Variants in TMC5 observed in about 807,000 individuals in gnomAD.
TMC5 encodes transmembrane channel-like protein 5.
Under a neutral mutation model 110.5 loss-of-function variants are expected in TMC5, and 86 were observed. That is an observed-to-expected ratio of 0.78 (90% confidence interval 0.65 to 0.93). The LOEUF is 0.93. TMC5 is among the 40% of genes least tolerant of loss of function. The probability of loss-of-function intolerance (pLI) is 0.00; values close to 1 mark genes in which losing one functional copy is unlikely to be tolerated. For missense variants in TMC5, 1,144 were observed against 1,222.8 expected, an observed-to-expected ratio of 0.94 and a Z score of 0.96; for synonymous variants, 455 against 439.5, an observed-to-expected ratio of 1.04 and a Z score of -0.44.
At position 19,448,930 on chromosome 16, in the gene TMC5, C is replaced by T. The variant is rs1460720392; in HGVS notation, c.959-612C>T. Among the ~76,000 whole-genome samples, 14 of 146,116 alleles carry T rather than the reference C, an allele frequency of 9.6e-5. No homozygotes were observed. The South Asian group carries it at 1.3e-3, about 13-fold the overall frequency. The stretch of plus-strand genomic sequence containing the variant: ...AAGCTGGTGTGCAGTGGCGCGATCT[C>T]GGCTCACTGCAAGCTCCACCTCCTG... On this transcript the variant is annotated intron_variant, in intron 4 of 21. Transcript: ENST00000542583.
At position 19,449,535 on chromosome 16, in the gene TMC5, C is replaced by CCT; in HGVS notation, c.959-5_959-4dup. Reference sequence around the variant, plus strand: ...AATCGGCAATATCTCCTTCCTCTTCCCTCCAGTGAACCCTGCTTATGTAGG... The same window carrying CCT: ...AATCGGCAATATCTCCTTCCTCTTCCCTCTCCAGTGAACCCTGCTTATGTAGG... On this transcript the variant is annotated splice_polypyrimidine_tract_variant and splice_region_variant and intron_variant, in intron 4 of 21. Transcript: ENST00000542583. The CCT allele has an allele frequency of 1.2e-6, 2 of 1,613,214 alleles. No individual in the cohort carries two copies. Among genetic ancestry groups the CCT allele is most frequent in the African/African-American group, 2.7e-5 (2 of 75,000 alleles).
chr16:19,457,732 T>TTTTTTTTTTTTTTTTTTTTTC (rs1967921774), intron 5 of TMC5, among the ~76,000 whole-genome samples: 1 of 110,634 alleles, frequency 9.0e-6, no homozygotes. Context: ...TTTTTTTTTT[T>TTTTTTTTTTTTTTTTTTTTTC]TTTTTTTTTT....
intron 3 of TMC5, among the ~76,000 whole-genome samples, chr16:19,441,954 C>T (rs959145612): frequency 2.0e-5 from 3 of 152,196 alleles, no homozygotes; most frequent in Non-Finnish European, 2.9e-5. Context: ...CAGGCATGCG[C>T]CACCACGCCC....
chr16:19,440,915 T>C (rs1567303764), intron 3 of TMC5, 89 bp downstream of exon 3: 3 of 1,310,860 alleles, frequency 2.3e-6, no homozygotes, highest in Non-Finnish European at 3.2e-6. Context: ...TGGTTTAGAT[T>C]AGGGATATAT....
upstream of TMC5, among the ~76,000 whole-genome samples, chr16:19,416,866 G>A (rs1966879800): frequency 6.6e-6 from 1 of 152,130 alleles, no homozygotes; most frequent in South Asian, 2.1e-4. Context: ...GGCCGAGACA[G>A]GTGGATTACC....
At chr16:19,493,245 G>A (rs945510662) in intron 19 of TMC5, among the ~76,000 whole-genome samples, 13 of 151,790 alleles carry the variant, frequency 8.6e-5, no homozygotes, top group Admixed American at 6.6e-4. Flanking sequence ...ACAGGTGTGA[G>A]CCATCGCCCC....
Position 19,445,680 on chromosome 16 carries a change from A to G in TMC5, c.958+1430A>G, listed in dbSNP as rs544880301. 2.0e-3 allele frequency among the ~76,000 whole-genome samples: 306 copies of G among 152,236 alleles called. 1 individual carries two copies. The highest frequency in any genetic ancestry group is 3.5e-3 in the South Asian group (17 of 4,820). ...CAGAAAAGGGAGAAGGTGTTCAGCC[A>G]ATAAGAAGAGAACAAGAGACCCAAG... On this transcript the variant is annotated intron_variant, in intron 4 of 21. Transcript: ENST00000542583.
chr16:19,426,842 T>C (rs1215311512), intron 1 of TMC5, among the ~76,000 whole-genome samples: 1 of 152,202 alleles, frequency 6.6e-6, no homozygotes, highest in South Asian at 2.1e-4. Context: ...CGCTGGCTGA[T>C]CTGCAGTGAT....
chr16:19,438,769 A>G (rs1967414542), intron 2 of TMC5, among the ~76,000 whole-genome samples: 1 of 152,132 alleles, frequency 6.6e-6, no homozygotes, highest in African/African-American at 2.4e-5. Flanking sequence ...ACGAAAAGAA[A>G]AGAAAATTAA....
rs569799878 is a variant in TMC5, at chr16:19,469,027, T to G, written c.1638-654T>G. Among the ~76,000 whole-genome samples the G allele has an allele frequency of 3.9e-5, 6 of 152,008 alleles. No individual in the cohort carries two copies. In the South Asian group the frequency reaches 1.2e-3, roughly 32 times the overall value. ...GAAAACACAAAAACAAGAAAAGACA[T>G]TTTCTGACTTCTGATCTCTAGAAGG... On this transcript the variant is annotated intron_variant, in intron 9 of 21. Coordinates refer to ENST00000542583, the MANE Select transcript of TMC5 (RefSeq NM_001261841.2).
intron 5 of TMC5, among the ~76,000 whole-genome samples, chr16:19,456,123 C>T (rs541895403): frequency 2.6e-5 from 4 of 151,898 alleles, no homozygotes; most frequent in Admixed American, 6.6e-5. Context: ...AGGAGAATGG[C>T]GTGAACCTGG....
At chr16:19,480,860 T>C (rs1968602168) in intron 14 of TMC5, among the ~76,000 whole-genome samples, 2 of 151,040 alleles carry the variant, frequency 1.3e-5, no homozygotes. Flanking sequence ...TCTTTTTTTT[T>C]AAATTGGCAA....
chr16:19,443,986 T>TA lies in TMC5; in HGVS notation c.789-94dup, dbSNP rs1246037293. 3.3e-6 allele frequency: 4 copies of TA among 1,209,952 alleles called. No homozygotes were observed. The Admixed American group carries it at 8.6e-5, about 26-fold the overall frequency. The allele number at this position is 1,209,952 out of a possible 1,614,324, so 75.0% of individuals were successfully genotyped here. A position where few individuals can be genotyped will look rare whatever the true frequency, so the allele number is the denominator to read the frequency against. ...ATGGATGGATAAATAAATGGATGAA[T>TA]ACATGATTGAATGGATGGATGGATG... On this transcript the variant is annotated intron_variant, in intron 3 of 21. Coordinates refer to ENST00000542583, the MANE Select transcript of TMC5 (RefSeq NM_001261841.2).
intron 5 of TMC5, among the ~76,000 whole-genome samples, chr16:19,455,501 A>G (rs956149529): frequency 2.0e-5 from 3 of 152,228 alleles, no homozygotes; most frequent in African/African-American, 7.2e-5. Flanking sequence ...TTTGTACAGC[A>G]GCTCCACCCA....
intron 10 of TMC5, among the ~76,000 whole-genome samples, chr16:19,471,336 C>T (rs1968336668): frequency 6.6e-6 from 1 of 151,974 alleles, no homozygotes; most frequent in Non-Finnish European, 1.5e-5. Flanking sequence ...AGTGATCCTC[C>T]CACCTCGGCC....
At chr16:19,492,932 A>ATCTC (rs35775078) in intron 19 of TMC5, among the ~76,000 whole-genome samples, 1 of 99,926 alleles carries the variant, frequency 1.0e-5, no homozygotes, top group African/African-American at 3.1e-5. Context: ...ATATATATAT[A>ATCTC]TCTCTCTATA....
At chr16:19,432,118 A>G (rs1967208351) in intron 2 of TMC5, among the ~76,000 whole-genome samples, 1 of 152,184 alleles carries the variant, frequency 6.6e-6, no homozygotes, top group Non-Finnish European at 1.5e-5. Context: ...AGAGCCAGGT[A>G]AATAGCTTGA....
At position 19,463,884 on chromosome 16, in the gene TMC5, T is replaced by C; in HGVS notation, c.1345T>C (p.Tyr449His). 6.2e-7 allele frequency: 1 copy of C among 1,614,238 alleles called. No homozygotes were observed. Among genetic ancestry groups the C allele is most frequent in the South Asian group, 1.1e-5 (1 of 91,088 alleles). Reference sequence around the variant, plus strand: ...CAAGTTTGGAACCAGCGTCCTCTCCTATTTCAACTTTCTGAGATGGCTTTT... The same window carrying C: ...CAAGTTTGGAACCAGCGTCCTCTCCCATTTCAACTTTCTGAGATGGCTTTT... ...GGKFGTSVLS[Y>H]FNFLRWLLKF... Residue 449 changes from tyrosine to histidine, a missense_variant, in exon 8 of 22, where the codon TAT (tyrosine) becomes CAT (histidine). By Grantham distance (83) the Tyr-to-His change is moderately conservative. Coordinates refer to ENST00000542583, the MANE Select transcript of TMC5 (RefSeq NM_001261841.2).
chr16:19,442,885 T>A (rs772554902), intron 3 of TMC5, among the ~76,000 whole-genome samples: 2 of 152,226 alleles, frequency 1.3e-5, no homozygotes, highest in Non-Finnish European at 2.9e-5. Flanking sequence ...CTTGGTCTTA[T>A]CACCCACTGC....
Sources: allele counts gnomAD v4.1 joint callset (sites outside exome capture counted in the v4.1 genomes callset), GRCh38; gene constraint gnomAD v4.1.1; transcripts MANE v1.5; gene names NCBI Gene and HGNC (gene_info 2026-07-23, HGNC 2026-07-21).